Variants in ATP1A2 observed in about 807,000 individuals in gnomAD.
The protein encoded by ATP1A2 is ATPase Na+/K+ transporting subunit alpha 2.
ATP1A2 carries 56 observed loss-of-function variants against 113.1 expected under a neutral mutation model. The observed-to-expected ratio is 0.49, with a 90% CI of 0.40 to 0.62. The LOEUF (loss-of-function observed/expected upper bound fraction) is 0.62, where lower values mean the gene tolerates loss of function less well. Ranked by LOEUF, ATP1A2 falls within the 20% of genes least tolerant of loss-of-function variation. ATP1A2 has a pLI of 0.00. For missense variants in ATP1A2, 712 were observed against 1,357.8 expected, an observed-to-expected ratio of 0.52 and a Z score of 7.47; for synonymous variants, 490 against 526.8, an observed-to-expected ratio of 0.93 and a Z score of 0.96.
Position 160,141,017 on chromosome 1 carries a change from T to C in ATP1A2, c.3035-277T>C, listed in dbSNP as rs114539436. ...AGCTGGGATTGCAGGCGCATGCCAC[T>C]ATGCCCGACTAATTTTTTGTATTTT... On this transcript the variant is annotated intron_variant, in intron 22 of 22. Coordinates refer to ENST00000361216, the MANE Select transcript of ATP1A2 (RefSeq NM_000702.4). Among the ~76,000 whole-genome samples the C allele has an allele frequency of 0.025, 3,860 of 152,104 alleles. 157 individuals are homozygous for C. The highest frequency in any genetic ancestry group is 0.088 in the African/African-American group (3,656 of 41,470).
chr1:160,120,230 C>T (rs1408911275), intron 1 of ATP1A2, among the ~76,000 whole-genome samples: 1 of 152,102 alleles, frequency 6.6e-6, no homozygotes, highest in African/African-American at 2.4e-5. Flanking sequence ...GCCTGCCCAG[C>T]AGGATGGAGA....
In ATP1A2 at chr1:160,123,134, G is replaced by A. The variant is rs114734823; in HGVS notation, c.178-79G>A. ...CCTTCTGGGCATTCTTCCCATGCCC[G>A]GGAGCTGAAGGGATGGGCATGGTGA... On this transcript the variant is annotated intron_variant, in intron 3 of 22. Transcript: ENST00000361216. The A allele has an allele frequency of 2.6e-3, 3,961 of 1,517,026 alleles. 75 individuals carry two copies. The African/African-American group carries it at 0.046, about 17-fold the overall frequency. The allele number at this position is 1,517,026 out of a possible 1,614,324, so 94.0% of individuals were successfully genotyped here. A position where few individuals can be genotyped will look rare whatever the true frequency, so the allele number is the denominator to read the frequency against.
chr1:160,138,186 G>A (rs915134713), intron 20 of ATP1A2, among the ~76,000 whole-genome samples: 14 of 152,278 alleles, frequency 9.2e-5, no homozygotes, highest in African/African-American at 3.4e-4. Flanking sequence ...CTCACCTTAG[G>A]TCCCTGGGCC....
In ATP1A2 at chr1:160,135,767, G is replaced by A; in HGVS notation, c.2285-72G>A. 6.2e-7 allele frequency: 1 copy of A among 1,612,744 alleles called. No homozygotes were observed. The highest frequency in any genetic ancestry group is 8.5e-7 in the Non-Finnish European group (1 of 1,178,938). ...TCTTCCTCTCTTGGGAAGACAGGCA[G>A]CCATGCTTCAGGGGCTGGGGGTGGG... On this transcript the variant is annotated intron_variant, in intron 16 of 22. Coordinates refer to ENST00000361216, the MANE Select transcript of ATP1A2 (RefSeq NM_000702.4). This position sits in a 1 kb window ranked among gnomAD's most constrained non-coding sequence, Gnocchi z 6.3.
Position 160,125,130 on chromosome 1 carries a change from C to T in ATP1A2, c.631-6C>T, listed in dbSNP as rs886045416. 15 of 1,613,708 alleles carry T rather than the reference C, an allele frequency of 9.3e-6. No homozygotes were observed. The highest frequency in any genetic ancestry group is 1.2e-5 in the Non-Finnish European group (14 of 1,179,610). ...GTCTGATGACTATGCACTCCTTCCTCCTCAGGTGGATAACTCATCCTTAAC... is the reference window on the plus strand; with the variant it reads ...GTCTGATGACTATGCACTCCTTCCTTCTCAGGTGGATAACTCATCCTTAAC... On this transcript the variant is annotated splice_region_variant and splice_polypyrimidine_tract_variant and intron_variant, in intron 6 of 22. Coordinates refer to ENST00000361216, the MANE Select transcript of ATP1A2 (RefSeq NM_000702.4).
rs1651891658 is a variant in ATP1A2, at chr1:160,135,089, G to A, written c.1965-56G>A. 2.4e-5 allele frequency: 38 copies of A among 1,610,744 alleles called. No individual in the cohort carries two copies. The South Asian group carries it at 3.9e-4, about 16-fold the overall frequency. On this transcript the variant is annotated intron_variant, in intron 14 of 22. Transcript: ENST00000361216. This position sits in a 1 kb window ranked among gnomAD's most constrained non-coding sequence, Gnocchi z 6.3. ...GGTGGTGAAGAGAGGCAGGGGGCAG[G>A]AGGGGCTGGTACAGGTGCCAGGGGT...
intron 1 of ATP1A2, 151 bp downstream of exon 1, chr1:160,116,024 T>A (rs1441225639): frequency 7.5e-7 from 1 of 1,333,276 alleles, no homozygotes; most frequent in Admixed American, 2.0e-5. Context: ...AAACTACCAA[T>A]GTGTGTACAG....
intron 18 of ATP1A2, 38 bp downstream of exon 18, chr1:160,136,408 A>C: frequency 1.2e-6 from 2 of 1,613,336 alleles, no homozygotes; most frequent in Non-Finnish European, 1.7e-6. Context: ...GAACCCCAAC[A>C]GGGTTCTTTT....
rs1652188721 is a variant in ATP1A2 at position 160,142,680 on chromosome 1, C to T, written c.*1358C>T. ...ATTAGCCAGTCATGGTGGCACACGC[C>T]TGTAATCTCAGCTACTCAGGAGGCT... On this transcript the variant is annotated 3_prime_UTR_variant, in exon 23 of 23. Coordinates refer to ENST00000361216, the MANE Select transcript of ATP1A2 (RefSeq NM_000702.4). 1.3e-5 allele frequency: 2 copies of T among 152,110 alleles called. No individual in the cohort carries two copies. The highest frequency in any genetic ancestry group is 1.3e-4 in the Admixed American group (2 of 15,268). 9.4% of individuals were successfully genotyped at this position (152,110 alleles called of 1,614,324 possible). A position where few individuals can be genotyped will look rare whatever the true frequency, so the allele number is the denominator to read the frequency against.
In ATP1A2 at chr1:160,136,366, G is replaced by A; in HGVS notation, c.2559G>A (p.Gln853=). Residue 853 remains glutamine, a synonymous_variant, in exon 18 of 23, where the codon CAG becomes CAA. Coordinates refer to ENST00000361216, the MANE Select transcript of ATP1A2 (RefSeq NM_000702.4). The stretch of plus-strand genomic sequence containing the variant: ...GGCTCATCAGCATGGCCTACGGACA[G>A]ATCGGTGCGCCAAGCCCCGGGCCTC... ...NERLISMAYG[Q]IGMIQALGGF... 1.9e-6 allele frequency: 3 copies of A among 1,614,064 alleles called. No individual in the cohort carries two copies. The highest frequency in any genetic ancestry group is 2.5e-6 in the Non-Finnish European group (3 of 1,180,038).
At chr1:160,124,475 G>A (rs775044703) in intron 6 of ATP1A2, 45 bp downstream of exon 6, 2 of 1,573,818 alleles carry the variant, frequency 1.3e-6, no homozygotes, top group East Asian at 4.6e-5. Context: ...TAAGGAGAAG[G>A]CTGTGTGCAG....
intron 13 of ATP1A2, among the ~76,000 whole-genome samples, chr1:160,132,076 G>A (rs976777013): frequency 1.3e-5 from 2 of 152,182 alleles, no homozygotes; most frequent in Non-Finnish European, 2.9e-5. Flanking sequence ...AGAACTGGAC[G>A]ATGTTTGACA....
intron 8 of ATP1A2, 90 bp from the exon 9 acceptor site, chr1:160,128,562 G>A (rs767776640): frequency 6.3e-7 from 1 of 1,592,826 alleles, no homozygotes; most frequent in African/African-American, 1.3e-5. Flanking sequence ...TAGAATCAGG[G>A]GAGGAGGAAT....
At chr1:160,120,446 C>G (rs1357666733) in intron 1 of ATP1A2, among the ~76,000 whole-genome samples, 3 of 152,162 alleles carry the variant, frequency 2.0e-5, no homozygotes, top group Non-Finnish European at 4.4e-5. Context: ...CTACCCCTCT[C>G]TAAGTAAAAT....
intron 11 of ATP1A2, 93 bp from the exon 12 acceptor site, chr1:160,130,009 C>T (rs1222166619): frequency 3.3e-6 from 5 of 1,520,992 alleles, no homozygotes; most frequent in Admixed American, 1.7e-5. Flanking sequence ...GTTGGGGCTA[C>T]TTTTCTAAGG....
At chr1:160,134,686 G>A in intron 14 of ATP1A2, 66 bp downstream of exon 14, 2 of 1,611,228 alleles carry the variant, frequency 1.2e-6, no homozygotes, top group South Asian at 1.1e-5. Context: ...AGGCTTGGGT[G>A]TCCCCTGGGA....
intron 20 of ATP1A2, among the ~76,000 whole-genome samples, chr1:160,137,899 T>G (rs1652006861): frequency 6.6e-6 from 1 of 152,174 alleles, no homozygotes; most frequent in Non-Finnish European, 1.5e-5. Context: ...GTGAAAAGCC[T>G]GTTAGATAAA....
chr1:160,122,506 A>C (rs1025675734), intron 3 of ATP1A2, among the ~76,000 whole-genome samples: 5 of 152,216 alleles, frequency 3.3e-5, no homozygotes, highest in African/African-American at 1.2e-4. Flanking sequence ...ATTCCAATGC[A>C]ATATGGTGAG....
chr1:160,122,842 C>A (rs1228337547), intron 3 of ATP1A2, among the ~76,000 whole-genome samples: 1 of 152,122 alleles, frequency 6.6e-6, no homozygotes, highest in Non-Finnish European at 1.5e-5. Context: ...ATCTAGGACT[C>A]TCCTAGAATC....
Sources: allele counts gnomAD v4.1 joint callset (sites outside exome capture counted in the v4.1 genomes callset), GRCh38; gene constraint gnomAD v4.1.1; non-coding constraint Gnocchi (gnomAD v3.1); transcripts MANE v1.5; gene names NCBI Gene and HGNC (gene_info 2026-07-23, HGNC 2026-07-21).